The following EVA1C variants were observed in gnomAD, a reference collection of about 807,000 sequenced individuals.
The protein encoded by EVA1C is protein eva-1 homolog C.
A neutral mutation model predicts 45.4 loss-of-function variants in EVA1C; 25 were observed. The ratio of observed to expected loss-of-function variants is 0.55; its 90% CI spans 0.40 to 0.77. The LOEUF is 0.77. Among genes scored for constraint, EVA1C ranks in the 30% least tolerant of loss-of-function variants. The pLI, the probability that EVA1C is intolerant of heterozygous loss-of-function variation, is 0.00. For missense variants in EVA1C, 479 were observed against 554.8 expected (o/e 0.86, Z 1.37); for synonymous variants, 190 against 221.2 (o/e 0.86, Z 1.25).
chr21:32,448,609 A>C (rs1340884700), intron 1 of EVA1C, among the ~76,000 whole-genome samples: 1 of 151,898 alleles, frequency 6.6e-6, no homozygotes, highest in Admixed American at 6.6e-5. Context: ...TTCTAGGTTC[A>C]TAGAAAAATG....
At chr21:32,430,829 C>G (rs1201752448) in intron 1 of EVA1C, among the ~76,000 whole-genome samples, 2 of 151,966 alleles carry the variant, frequency 1.3e-5, no homozygotes, top group Non-Finnish European at 2.9e-5. Context: ...AAAAATTAGC[C>G]AGGCGTGATG....
At chr21:32,506,712 C>T (rs2037732891) in intron 7 of EVA1C, among the ~76,000 whole-genome samples, 1 of 152,082 alleles carries the variant, frequency 6.6e-6, no homozygotes, top group Admixed American at 6.6e-5. Flanking sequence ...GCCAGTGTGC[C>T]ACAGAGGTGC....
intron 4 of EVA1C, among the ~76,000 whole-genome samples, chr21:32,493,118 G>C (rs567730378): frequency 1.3e-5 from 2 of 152,322 alleles, no homozygotes; most frequent in Admixed American, 6.5e-5. Context: ...CAAGTGCTGA[G>C]AGCAGTGGCT....
chr21:32,456,994 C>T (rs532150452), intron 2 of EVA1C, among the ~76,000 whole-genome samples: 1 of 152,320 alleles, frequency 6.6e-6, no homozygotes, highest in Admixed American at 6.5e-5. Flanking sequence ...AAGAAAACTG[C>T]TCCCCGAGGG....
At chr21:32,478,373 C>G (rs2036659626) in intron 4 of EVA1C, among the ~76,000 whole-genome samples, 1 of 152,066 alleles carries the variant, frequency 6.6e-6, no homozygotes, top group African/African-American at 2.4e-5. Flanking sequence ...CACGCACCAC[C>G]AAGTCCCACT....
At chr21:32,506,169 A>C (rs1468025071) in intron 7 of EVA1C, among the ~76,000 whole-genome samples, 2 of 150,620 alleles carry the variant, frequency 1.3e-5, no homozygotes, top group Admixed American at 6.7e-5. Flanking sequence ...ATATTCGTTT[A>C]GTGACTATCT....
intron 7 of EVA1C, among the ~76,000 whole-genome samples, chr21:32,511,112 A>G (rs544800058): frequency 6.6e-6 from 1 of 152,112 alleles, no homozygotes; most frequent in East Asian, 1.9e-4. Flanking sequence ...TCAAGAGTCT[A>G]TAGAAAATAT....
intron 1 of EVA1C, among the ~76,000 whole-genome samples, chr21:32,427,775 T>C (rs1431017216): frequency 6.9e-6 from 1 of 144,542 alleles, no homozygotes; most frequent in Non-Finnish European, 1.5e-5. Flanking sequence ...CTCAGCACTG[T>C]GGGAGGCCAA....
chr21:32,486,163 G>T (rs1329936500), intron 4 of EVA1C, among the ~76,000 whole-genome samples: 2 of 152,068 alleles, frequency 1.3e-5, no homozygotes, highest in Admixed American at 6.6e-5. Context: ...CACTCTTGTT[G>T]CCCAGGCTGG....
At chr21:32,422,062 A>G (rs1461161307) in intron 1 of EVA1C, among the ~76,000 whole-genome samples, 1 of 151,520 alleles carries the variant, frequency 6.6e-6, no homozygotes, top group Non-Finnish European at 1.5e-5. Context: ...AAAAAAAAAA[A>G]AGAGGGAATC....
At chr21:32,496,738 A>T in intron 5 of EVA1C, 1 of 619,168 alleles carries the variant, frequency 1.6e-6, no homozygotes, top group East Asian at 2.7e-5. Context: ...CCTCCAAATA[A>T]GGTGTAGTTT....
rs2036700553 is a variant in EVA1C, at chr21:32,479,507, C to A, written c.634+11659C>A. 1.3e-5 allele frequency among the ~76,000 whole-genome samples: 2 copies of A among 152,084 alleles called. 1 individual carries two copies. Among genetic ancestry groups the A allele is most frequent in the South Asian group, 4.1e-4 (2 of 4,822 alleles). On this transcript the variant is annotated intron_variant, in intron 4 of 7. Coordinates refer to ENST00000300255, the MANE Select transcript of EVA1C (RefSeq NM_058187.5). ...GGAGGGAAATAACCACTAACAACAA[C>A]AACAACAACAGAATCCTGCGAACCA...
chr21:32,476,962 CGGA>C (rs996489005), intron 4 of EVA1C, among the ~76,000 whole-genome samples: 11 of 152,088 alleles, frequency 7.2e-5, no homozygotes, highest in African/African-American at 2.4e-4. Context: ...AGGGCAGGCA[CGGA>C]GGAGGTCAGT....
At chr21:32,465,916 CG>C (rs1465699303) in intron 3 of EVA1C, among the ~76,000 whole-genome samples, 1 of 152,142 alleles carries the variant, frequency 6.6e-6, no homozygotes, top group Non-Finnish European at 1.5e-5. Flanking sequence ...GTAGTGCAAC[CG>C]TGACCACAGT....
At chr21:32,473,214 G>A (rs1427697936) in intron 4 of EVA1C, among the ~76,000 whole-genome samples, 1 of 152,204 alleles carries the variant, frequency 6.6e-6, no homozygotes, top group East Asian at 1.9e-4. Flanking sequence ...TTGCTTCTTG[G>A]CCCAGGAGCC....
chr21:32,463,508 T>C (rs2036072197), intron 3 of EVA1C, among the ~76,000 whole-genome samples: 1 of 152,208 alleles, frequency 6.6e-6, no homozygotes, highest in Non-Finnish European at 1.5e-5. Context: ...TGACTCAACA[T>C]AACACAACAG....
At chr21:32,483,962 ATGTG>A (rs55688415) in intron 4 of EVA1C, among the ~76,000 whole-genome samples, 7,264 of 147,282 alleles carry the variant, frequency 0.049, 214 homozygotes, top group African/African-American at 0.085. Flanking sequence ...CTCACTGTTT[ATGTG>A]TGTGTGTGTG....
intron 4 of EVA1C, among the ~76,000 whole-genome samples, chr21:32,484,347 C>A (rs2036897625): frequency 6.6e-6 from 1 of 151,946 alleles, no homozygotes; most frequent in Non-Finnish European, 1.5e-5. Context: ...GGCTGGAGAC[C>A]AGCCTGACCA....
intron 1 of EVA1C, among the ~76,000 whole-genome samples, chr21:32,439,343 T>C (rs915379196): frequency 6.6e-6 from 1 of 151,628 alleles, no homozygotes; most frequent in African/African-American, 2.4e-5. Flanking sequence ...TGTGGGCCCT[T>C]GGGGCCATTT....
Sources: allele counts gnomAD v4.1 joint callset (sites outside exome capture counted in the v4.1 genomes callset), GRCh38; gene constraint gnomAD v4.1.1; transcripts MANE v1.5; gene names NCBI Gene and HGNC (gene_info 2026-07-23, HGNC 2026-07-21).